GALNTL6: variants seen among roughly 807,000 people sequenced by gnomAD.
The protein encoded by GALNTL6 is polypeptide N-acetylgalactosaminyltransferase-like 6.
Under a neutral mutation model 73.7 loss-of-function variants are expected in GALNTL6, and 46 were observed. The ratio of observed to expected loss-of-function variants is 0.62; its 90% CI spans 0.49 to 0.80. The LOEUF (loss-of-function observed/expected upper bound fraction) is 0.80. Among genes scored for constraint, GALNTL6 ranks in the 30% least tolerant of loss-of-function variants. GALNTL6 has a pLI of 0.00. For missense variants in GALNTL6, 604 were observed against 755.0 expected (o/e 0.80, Z 2.34); for synonymous variants, 259 against 263.7 (o/e 0.98, Z 0.17).
At chr4:172,576,633 C>G (rs1346336397) in intron 5 of GALNTL6, among the ~76,000 whole-genome samples, 3 of 152,090 alleles carry the variant, frequency 2.0e-5, no homozygotes, top group African/African-American at 7.2e-5. Context: ...TCCTGCTTTG[C>G]AGAACTGTTG....
rs1375912314 is a variant in GALNTL6 at position 172,506,738 on chromosome 4, T to TA, written c.553+158057dup. 6.6e-4 allele frequency among the ~76,000 whole-genome samples: 36 copies of TA among 54,248 alleles called. 14 individuals carry two copies. Among genetic ancestry groups the TA allele is most frequent in the African/African-American group, 1.7e-3 (36 of 21,760 alleles). 35.6% of individuals were successfully genotyped at this position (54,248 alleles called of 152,430 possible). On this transcript the variant is annotated intron_variant, in intron 5 of 12. Transcript: ENST00000506823. The stretch of plus-strand genomic sequence containing the variant: ...CCATACAGCAACCAGAATCATGCTT[T>TA]AAAAAAAATCTTACTATGCATTTCC...
At chr4:172,049,572 A>C (rs1228281677) in intron 2 of GALNTL6, among the ~76,000 whole-genome samples, 1 of 152,206 alleles carries the variant, frequency 6.6e-6, no homozygotes, top group Non-Finnish European at 1.5e-5. Flanking sequence ...TGCCAGCTAC[A>C]ATATCACGGG....
At chr4:172,778,972 T>C (rs1275652919) in intron 5 of GALNTL6, among the ~76,000 whole-genome samples, 1 of 148,320 alleles carries the variant, frequency 6.7e-6, no homozygotes, top group African/African-American at 2.5e-5. Context: ...ACCACCCCCC[T>C]TCACTCTCTC....
chr4:172,054,023 C>A (rs945335158), intron 2 of GALNTL6, among the ~76,000 whole-genome samples: 8 of 151,894 alleles, frequency 5.3e-5, no homozygotes, highest in Non-Finnish European at 7.4e-5. Flanking sequence ...CATAGTTAAG[C>A]AAAATGTTAT....
At chr4:172,821,774 T>C (rs899855255) in intron 7 of GALNTL6, among the ~76,000 whole-genome samples, 1 of 152,188 alleles carries the variant, frequency 6.6e-6, no homozygotes, top group African/African-American at 2.4e-5. Context: ...AATCAAAATA[T>C]TGAATAAGAT....
chr4:172,209,207 GA>G (rs1736243569), intron 2 of GALNTL6, among the ~76,000 whole-genome samples: 2 of 151,964 alleles, frequency 1.3e-5, no homozygotes, highest in African/African-American at 4.8e-5. Context: ...AAATTATATG[GA>G]AAACTTCTGA....
At chr4:172,115,486 C>T (rs183187787) in intron 2 of GALNTL6, among the ~76,000 whole-genome samples, 250 of 152,206 alleles carry the variant, frequency 1.6e-3, no homozygotes, top group African/African-American at 5.4e-3. Flanking sequence ...TTCTCAAACT[C>T]AAACTTTTTT....
intron 5 of GALNTL6, among the ~76,000 whole-genome samples, chr4:172,629,041 C>A (rs911963757): frequency 6.6e-6 from 1 of 152,140 alleles, no homozygotes; most frequent in Admixed American, 6.6e-5. Context: ...TTTACCAAAT[C>A]CTTATCTAAA....
rs141383870 is a variant in GALNTL6 at position 171,911,956 on chromosome 4, A to G, written c.138+97238A>G. Among the ~76,000 whole-genome samples, 210 of 152,276 alleles carry G rather than the reference A, an allele frequency of 1.4e-3. 1 individual carries two copies. The highest frequency in any genetic ancestry group is 4.8e-3 in the African/African-American group (200 of 41,562). On this transcript the variant is annotated intron_variant, in intron 2 of 12. Coordinates refer to ENST00000506823, the MANE Select transcript of GALNTL6 (RefSeq NM_001034845.3). ...AAAATGAATGTCTCCTTTAAATTTA[A>G]TCAATGTTTTTTAATCATCTAATAA...
chr4:172,555,029 T>C (rs1270131515), intron 5 of GALNTL6, among the ~76,000 whole-genome samples: 1 of 152,168 alleles, frequency 6.6e-6, no homozygotes, highest in Non-Finnish European at 1.5e-5. Context: ...CTGCTCCAGG[T>C]CCTCACCTCA....
At chr4:173,025,238 T>G (rs549279689) in intron 12 of GALNTL6, among the ~76,000 whole-genome samples, 1 of 152,340 alleles carries the variant, frequency 6.6e-6, no homozygotes, top group South Asian at 2.1e-4. Context: ...AGGAATCCTG[T>G]TCCTGGTTTT....
intron 3 of GALNTL6, among the ~76,000 whole-genome samples, chr4:172,240,847 T>G (rs2110992153): frequency 6.6e-6 from 1 of 152,336 alleles, no homozygotes; most frequent in South Asian, 2.1e-4. Flanking sequence ...GTCTGTCATT[T>G]CAGCTGGTTA....
intron 5 of GALNTL6, among the ~76,000 whole-genome samples, chr4:172,701,199 C>G (rs1734008463): frequency 6.6e-6 from 1 of 151,654 alleles, no homozygotes; most frequent in South Asian, 2.1e-4. Context: ...TGGAGTTTTC[C>G]TTGGTGGGGT....
intron 9 of GALNTL6, among the ~76,000 whole-genome samples, chr4:172,948,114 T>C (rs1300949003): frequency 1.3e-5 from 2 of 152,230 alleles, no homozygotes; most frequent in African/African-American, 2.4e-5. Context: ...AATATAATAA[T>C]TGACACTTTA....
At chr4:172,967,130 A>G (rs561648145) in intron 10 of GALNTL6, among the ~76,000 whole-genome samples, 4 of 152,246 alleles carry the variant, frequency 2.6e-5, no homozygotes, top group Non-Finnish European at 5.9e-5. Flanking sequence ...TAGGAGATGC[A>G]GGAATTAACG....
intron 5 of GALNTL6, among the ~76,000 whole-genome samples, chr4:172,671,812 G>A (rs1560870469): frequency 6.6e-6 from 1 of 151,964 alleles, no homozygotes; most frequent in Non-Finnish European, 1.5e-5. Flanking sequence ...GGCTCTTATT[G>A]TTTTGAAATA....
At chr4:172,662,558 G>A (rs904253742) in intron 5 of GALNTL6, among the ~76,000 whole-genome samples, 1 of 152,186 alleles carries the variant, frequency 6.6e-6, no homozygotes, top group Non-Finnish European at 1.5e-5. Flanking sequence ...CAATTAACAT[G>A]GGCCTTGAAA....
chr4:172,220,953 T>A (rs1736652188), intron 2 of GALNTL6, among the ~76,000 whole-genome samples: 1 of 151,862 alleles, frequency 6.6e-6, no homozygotes, highest in Non-Finnish European at 1.5e-5. Flanking sequence ...TATAGGCATA[T>A]TTTAGGAATA....
intron 5 of GALNTL6, among the ~76,000 whole-genome samples, chr4:172,582,183 G>T (rs1322209337): frequency 6.6e-6 from 1 of 152,220 alleles, no homozygotes; most frequent in East Asian, 1.9e-4. Context: ...AGCATCAGGG[G>T]CTTGACCGTG....
Sources: gnomAD v4.1 joint callset for allele counts (sites outside exome capture counted in the v4.1 genomes callset) on GRCh38, gnomAD v4.1.1 for gene constraint, MANE v1.5 for transcripts, NCBI Gene and HGNC (gene_info 2026-07-23, HGNC 2026-07-21) for gene names.